Variants in MTRF1L observed in about 807,000 individuals in gnomAD.
MTRF1L encodes mitochondrial translation release factor 1 like, also known as peptide chain release factor 1-like, mitochondrial.
A neutral mutation model predicts 40.0 loss-of-function variants in MTRF1L; 29 were observed. The observed-to-expected ratio is 0.73, with a 90% confidence interval of 0.54 to 0.99. The LOEUF is 0.99. Among genes scored for constraint, MTRF1L ranks in the 50% least tolerant of loss-of-function variants. The probability of loss-of-function intolerance (pLI) is 0.00; values close to 1 mark genes in which losing one functional copy is unlikely to be tolerated. For synonymous variants in MTRF1L, 150 were observed against 175.8 expected (o/e 0.85, Z 1.16); for missense variants, 412 against 464.5 (o/e 0.89, Z 1.04).
chr6:153,001,318 G>A (rs1778909384), intron 1 of MTRF1L, among the ~76,000 whole-genome samples: 1 of 151,874 alleles, frequency 6.6e-6, no homozygotes, highest in Admixed American at 6.6e-5. Context: ...GTGTATTTCT[G>A]GCCTTGTTAG....
intron 2 of MTRF1L, among the ~76,000 whole-genome samples, chr6:152,997,181 T>C (rs560479427): frequency 4.6e-5 from 7 of 152,202 alleles, no homozygotes; most frequent in Non-Finnish European, 1.0e-4. Context: ...CAAGATGATG[T>C]TGAAGAAGAA....
At position 153,002,421 on chromosome 6, in the gene MTRF1L, C is replaced by A; in HGVS notation, c.259+6G>T. The A allele has an allele frequency of 1.1e-5, 18 of 1,613,986 alleles. No homozygotes were observed. The highest frequency in any genetic ancestry group is 1.5e-5 in the Non-Finnish European group (18 of 1,179,878). ...CTGACGCCTCTCCCCCGGGCCCGAC[C>A]CTTACCGTGCAGCAAGTGCTCAGTC... On this transcript the variant is annotated splice_donor_region_variant and intron_variant, in intron 1 of 6. Transcript: ENST00000367233.
chr6:152,994,993 G>A (rs1047003432), intron 3 of MTRF1L, 143 bp downstream of exon 3: 1 of 801,578 alleles, frequency 1.2e-6, no homozygotes, highest in Non-Finnish European at 1.9e-6. Context: ...CAAAATTACT[G>A]TATGTGCATT....
chr6:152,990,951 C>T (rs1321361539), intron 6 of MTRF1L, among the ~76,000 whole-genome samples: 3 of 152,126 alleles, frequency 2.0e-5, no homozygotes, highest in African/African-American at 7.2e-5. Flanking sequence ...AATGAGGACT[C>T]AGTATATATC....
At chr6:152,990,334 G>C in intron 6 of MTRF1L, 1 of 555,430 alleles carries the variant, frequency 1.8e-6, no homozygotes, top group Non-Finnish European at 3.0e-6. Flanking sequence ...TATGACCTCG[G>C]GCAACTTAGT....
At position 152,998,655 on chromosome 6, in the gene MTRF1L, G is replaced by C. The variant is rs183812087; in HGVS notation, c.260-26C>G. On this transcript the variant is annotated intron_variant, in intron 1 of 6. Transcript: ENST00000367233. The stretch of plus-strand genomic sequence containing the variant: ...CTAGGAAAAAAAGGGCAGAAGTTAA[G>C]GTTTTCCTTAATTAGTGTTAAATTG... 3,155 of 1,521,320 alleles carry C rather than the reference G, an allele frequency of 2.1e-3. 11 individuals are homozygous for C. Among genetic ancestry groups the C allele is most frequent in the Non-Finnish European group, 1.9e-3 (2,176 of 1,121,964 alleles). 94.2% of individuals were successfully genotyped at this position (1,521,320 alleles called of 1,614,324 possible). A position where few individuals can be genotyped will look rare whatever the true frequency, so the allele number is the denominator to read the frequency against.
At chr6:152,997,340 AAAATT>A (rs1778748209) in intron 2 of MTRF1L, among the ~76,000 whole-genome samples, 1 of 152,224 alleles carries the variant, frequency 6.6e-6, no homozygotes, top group Non-Finnish European at 1.5e-5. Context: ...TTCTGACAAA[AAAATT>A]AAAGGTGAGC....
Position 152,989,945 on chromosome 6 carries a change from C to T in MTRF1L, c.1093G>A (p.Glu365Lys). The change falls in exon 7 of 7, where the codon GAA (glutamate) becomes AAA (lysine). Residue 365 changes from glutamate (E) to lysine (K), a missense_variant. Transcript: ENST00000367233. The stretch of plus-strand genomic sequence containing the variant: ...ACTAAAGATTCATAATCGGCGTATT[C>T]CTTCAATGACTGTACAAGTTCATCC... ...LLDELVQSLKEYADYESLVEI... is the reference protein window; with the variant it reads ...LLDELVQSLKKYADYESLVEI... The T allele has an allele frequency of 6.2e-7, 1 of 1,613,408 alleles. No individual in the cohort carries two copies.
At chr6:152,990,259 A>G in intron 6 of MTRF1L, 164 bp from the exon 7 acceptor site, 2 of 996,974 alleles carry the variant, frequency 2.0e-6, no homozygotes, top group Non-Finnish European at 2.8e-6. Flanking sequence ...CATGATATAG[A>G]AAAAAGAACA....
At position 152,991,273 on chromosome 6, in the gene MTRF1L, T is replaced by A; in HGVS notation, c.854A>T (p.Glu285Val). 6.2e-7 allele frequency: 1 copy of A among 1,603,640 alleles called. No homozygotes were observed. The highest frequency in any genetic ancestry group is 1.1e-5 in the South Asian group (1 of 88,638). ...TGCACGTAACTTTGTCATAGCCAGC[T>A]CTTTATTTTTCAGCTGAGATCTCTC... ...QQERSQLKNK[E>V]LAMTKLRAKL... The change falls in exon 6 of 7, where the codon GAG (glutamate) becomes GTG (valine). Residue 285 changes from glutamate to valine, a missense_variant. Glu to Val is a moderately radical substitution (Grantham distance 121, BLOSUM62 -2). Transcript: ENST00000367233.
chr6:152,994,127 T>G (rs555189769), intron 4 of MTRF1L, among the ~76,000 whole-genome samples: 1 of 152,216 alleles, frequency 6.6e-6, no homozygotes, highest in Admixed American at 6.5e-5. Context: ...AACTGGGTTA[T>G]GAAGCAGCAA....
At chr6:152,992,505 C>CA (rs1778562448) in intron 5 of MTRF1L, among the ~76,000 whole-genome samples, 1 of 152,126 alleles carries the variant, frequency 6.6e-6, no homozygotes, top group Admixed American at 6.5e-5. Context: ...CAAAAAGGCT[C>CA]AGAACCAACA....
chr6:152,992,773 G>A (rs1295662444), intron 5 of MTRF1L, 84 bp downstream of exon 5: 17 of 975,562 alleles, frequency 1.7e-5, no homozygotes, highest in Non-Finnish European at 2.1e-5. Context: ...TCTGGTAACC[G>A]AGGATCTATT....
rs528878747 is a variant in MTRF1L at position 152,992,854 on chromosome 6, C to T, written c.805+3G>A. The T allele has an allele frequency of 3.1e-5, 50 of 1,606,966 alleles. 1 individual carries two copies. In the South Asian group the frequency reaches 5.4e-4, roughly 17 times the overall value. On this transcript the variant is annotated splice_donor_region_variant and intron_variant, in intron 5 of 6. Coordinates refer to ENST00000367233, the MANE Select transcript of MTRF1L (RefSeq NM_019041.7). Reference sequence around the variant, plus strand: ...GTCATATATTGAAGGAATAAGTACACACCTGTTGGAAGATGAACTATCCGG... The same window carrying T: ...GTCATATATTGAAGGAATAAGTACATACCTGTTGGAAGATGAACTATCCGG...
Position 152,993,082 on chromosome 6 carries a change from G to A in MTRF1L, c.688-108C>T, listed in dbSNP as rs1483709728. ...AACATGTACAGAATTCATATATTTG[G>A]GAGGTTTAATTTTAAGACTAGAGAG... On this transcript the variant is annotated intron_variant, in intron 4 of 6. Transcript: ENST00000367233. 5.1e-5 allele frequency: 42 copies of A among 830,688 alleles called. No individual in the cohort carries two copies. In the East Asian group the frequency reaches 1.1e-3, roughly 21 times the overall value. 51.5% of individuals were successfully genotyped at this position (830,688 alleles called of 1,614,324 possible).
At chr6:152,991,161 G>C in intron 6 of MTRF1L, 24 bp downstream of exon 6, 1 of 1,399,908 alleles carries the variant, frequency 7.1e-7, no homozygotes, top group Non-Finnish European at 9.6e-7. Context: ...TCCTTTAAAA[G>C]CATTTTTAAA....
rs375565915 is a variant in MTRF1L at position 152,995,293 on chromosome 6, T to C, written c.366A>G (p.Glu122=). 8 of 1,592,106 alleles carry C rather than the reference T, an allele frequency of 5.0e-6. No individual in the cohort carries two copies. In the African/African-American group the frequency reaches 8.2e-5, roughly 16 times the overall value. Residue 122 remains glutamate (E), a synonymous_variant, in exon 3 of 7, where the codon GAA becomes GAG. Coordinates refer to ENST00000367233, the MANE Select transcript of MTRF1L (RefSeq NM_019041.7). ...GGATCAAATCATTTTCATCTGTTTC[T>C]TCTGAGGGAACCAAAAGTAAGATAA... The part of the protein sequence containing the change: ...HQIILLLVPS[E]ETDENDLILE...
At chr6:152,990,246 G>C in intron 6 of MTRF1L, 151 bp from the exon 7 acceptor site, 1 of 1,095,994 alleles carries the variant, frequency 9.1e-7, no homozygotes, top group Non-Finnish European at 1.3e-6. Context: ...AATGACATGG[G>C]AACATGATAT....
intron 6 of MTRF1L, chr6:152,990,583 G>A (rs1230363627): frequency 6.5e-6 from 1 of 153,598 alleles, no homozygotes; most frequent in Non-Finnish European, 1.4e-5. Context: ...AGCACTTTGG[G>A]AGGCTGAGGT....
Sources: allele counts gnomAD v4.1 joint callset (sites outside exome capture counted in the v4.1 genomes callset), GRCh38; gene constraint gnomAD v4.1.1; transcripts MANE v1.5; gene names NCBI Gene and HGNC (gene_info 2026-07-23, HGNC 2026-07-21).